Variants in SLC17A9 observed in about 807,000 individuals in gnomAD.
SLC17A9 encodes the protein voltage-gated purine nucleotide uniporter SLC17A9.
A neutral mutation model predicts 55.0 loss-of-function variants in SLC17A9; 49 were observed. The observed-to-expected ratio is 0.89, with a 90% confidence interval of 0.71 to 1.13. SLC17A9 has a LOEUF of 1.13. Among genes scored for constraint, SLC17A9 ranks in the 50% most tolerant of loss-of-function variants. The pLI is 0.00. For synonymous variants in SLC17A9, 256 were observed against 247.4 expected, an observed-to-expected ratio of 1.03 and a Z score of -0.32; for missense variants, 526 against 569.3, an observed-to-expected ratio of 0.92 and a Z score of 0.77.
chr20:62,956,320 C>G (rs897270232), intron 1 of SLC17A9, among the ~76,000 whole-genome samples: 3 of 152,230 alleles, frequency 2.0e-5, no homozygotes, highest in African/African-American at 7.2e-5. Context: ...GGGGCAGGTT[C>G]TTGGGAGCAC....
Position 62,962,844 on chromosome 20 carries a change from GA to G in SLC17A9, c.628+91del. ...GCAGCCGCTGAGCAGCCTGGAGCAG[GA>G]GCCCGGAGACGATGGCTTTGACCTC... On this transcript the variant is annotated intron_variant, in intron 5 of 12. Transcript: ENST00000370351. This position sits in a 1 kb window ranked among gnomAD's most constrained non-coding sequence, Gnocchi z 5.5. 4 of 1,538,924 alleles carry G rather than the reference GA, an allele frequency of 2.6e-6. No individual in the cohort carries two copies. Among genetic ancestry groups the G allele is most frequent in the Non-Finnish European group, 3.5e-6 (4 of 1,139,368 alleles).
Position 62,962,883 on chromosome 20 carries a change from C to A in SLC17A9, c.628+129C>A. ...TGGCTTTGACCTCCCAAAGAATCCG[C>A]CAGTGAGGAAAAGCGCTCGGGTGCT... On this transcript the variant is annotated intron_variant, in intron 5 of 12. Coordinates refer to ENST00000370351, the MANE Select transcript of SLC17A9 (RefSeq NM_022082.4). The surrounding 1 kb of genome is among the most constrained non-coding windows in gnomAD (Gnocchi z 5.5). 7.2e-7 allele frequency: 1 copy of A among 1,382,262 alleles called. No homozygotes were observed. Among genetic ancestry groups the A allele is most frequent in the South Asian group, 1.4e-5 (1 of 73,024 alleles). 85.6% of individuals were successfully genotyped at this position (1,382,262 alleles called of 1,614,324 possible).
rs2065656013 is a variant in SLC17A9, at chr20:62,968,018, A to T, written c.*518A>T. 6.6e-6 allele frequency: 1 copy of T among 152,626 alleles called. No individual in the cohort carries two copies. The highest frequency in any genetic ancestry group is 1.9e-4 in the East Asian group (1 of 5,184). 9.5% of individuals were successfully genotyped at this position (152,626 alleles called of 1,614,324 possible). A position where few individuals can be genotyped will look rare whatever the true frequency, so the allele number is the denominator to read the frequency against. On this transcript the variant is annotated 3_prime_UTR_variant, in exon 13 of 13. Transcript: ENST00000370351. ...TGCACACTGTAGGATGCTTAAAGGT[A>T]TCCCTGGCCTCCACCCACCCCTAGC... is the stretch of plus-strand genomic sequence containing the variant.
At chr20:62,967,141 C>G in intron 12 of SLC17A9, 196 bp from the exon 13 acceptor site, 1 of 644,088 alleles carries the variant, frequency 1.6e-6, no homozygotes, top group Non-Finnish European at 2.7e-6. Flanking sequence ...CCTGTGAGAT[C>G]TCTGCCCCTC....
At chr20:62,957,970 A>G (rs536134211) in intron 3 of SLC17A9, among the ~76,000 whole-genome samples, 1 of 151,840 alleles carries the variant, frequency 6.6e-6, no homozygotes, top group Non-Finnish European at 1.5e-5. Flanking sequence ...ATGTGCATGT[A>G]TGTTTGTGCT....
chr20:62,956,962 G>C lies in SLC17A9; in HGVS notation c.257G>C (p.Arg86Pro). The change falls in exon 2 of 13, where the codon CGG (arginine) becomes CCG (proline). Residue 86 changes from arginine (R) to proline (P), a missense_variant and splice_region_variant. Transcript: ENST00000370351. ...TQVVGGHLGD[R>P]IGGEKVILLS... ...GTTGTGGGCGGCCACCTCGGGGATC[G>C]GTAACTGCCCATCTTCCCCATCTCC... 6.2e-7 allele frequency: 1 copy of C among 1,613,280 alleles called. No homozygotes were observed. The highest frequency in any genetic ancestry group is 1.3e-5 in the African/African-American group (1 of 75,058).
intron 4 of SLC17A9, among the ~76,000 whole-genome samples, chr20:62,961,671 G>C (rs2065590161): frequency 6.6e-6 from 1 of 152,220 alleles, no homozygotes. Flanking sequence ...AGAGTGACCA[G>C]ATTCATCAAG....
At position 62,965,138 on chromosome 20, in the gene SLC17A9, G is replaced by T. The variant is rs201189000; in HGVS notation, c.917G>T (p.Arg306Ile). The change falls in exon 9 of 13, where the codon AGA becomes ATA. Residue 306 changes from arginine to isoleucine, a missense_variant. Transcript: ENST00000370351. The stretch of plus-strand genomic sequence containing the variant: ...CCTTGGCCTCCCCCTGTAGGTTACA[G>T]AGCCATCACGGTGCGGAAGCTCATG... The part of the protein sequence containing the change: ...LSDHLINQGY[R>I]AITVRKLMQG... The T allele has an allele frequency of 1.2e-6, 2 of 1,614,126 alleles. No individual in the cohort carries two copies. The highest frequency in any genetic ancestry group is 1.7e-6 in the Non-Finnish European group (2 of 1,180,030).
chr20:62,963,006 G>A, intron 5 of SLC17A9: 3 of 640,050 alleles, frequency 4.7e-6, no homozygotes, highest in Non-Finnish European at 8.0e-6. Flanking sequence ...GGTCAAGGCA[G>A]GGTGCAGGAG....
chr20:62,963,029 TG>T (rs2065602447), intron 5 of SLC17A9: 1 of 636,038 alleles, frequency 1.6e-6, no homozygotes, highest in Admixed American at 2.9e-5. Flanking sequence ...GCCGAGTCTT[TG>T]GGTGGCCAGG....
rs1207465209 is a variant in SLC17A9, at chr20:62,969,277, T to C, written c.*1777T>C. 1 of 152,226 alleles carries C rather than the reference T, an allele frequency of 6.6e-6. No individual in the cohort carries two copies. The highest frequency in any genetic ancestry group is 2.4e-5 in the African/African-American group (1 of 41,456). The allele number at this position is 152,226 out of a possible 1,614,324, so 9.4% of individuals were successfully genotyped here. On this transcript the variant is annotated 3_prime_UTR_variant, in exon 13 of 13. Coordinates refer to ENST00000370351, the MANE Select transcript of SLC17A9 (RefSeq NM_022082.4). ...TTTTAAGTGCACGGTTCTGTGGCAT[T>C]AGGTACATTCGCATTGTGCAGCCAC...
At position 62,952,907 on chromosome 20, in the gene SLC17A9, GGA is replaced by G; in HGVS notation, c.59+20_59+21del. The stretch of plus-strand genomic sequence containing the variant: ...TGGTCCAGGTGTGGCGGGGGTGAGG[GGA>G]GGGGGGGTGGGAGCGGTGGAGATGG... On this transcript the variant is annotated intron_variant, in intron 1 of 12. Coordinates refer to ENST00000370351, the MANE Select transcript of SLC17A9 (RefSeq NM_022082.4). 6.9e-7 allele frequency: 1 copy of G among 1,447,920 alleles called. No homozygotes were observed. Among genetic ancestry groups the G allele is most frequent in the South Asian group, 1.3e-5 (1 of 75,672 alleles). The allele number at this position is 1,447,920 out of a possible 1,614,324, so 89.7% of individuals were successfully genotyped here.
chr20:62,965,070 C>A, intron 8 of SLC17A9, 62 bp from the exon 9 acceptor site: 1 of 1,596,712 alleles, frequency 6.3e-7, no homozygotes, highest in East Asian at 2.2e-5. Context: ...GGGATGGGAC[C>A]CCCTCTGGGG....
chr20:62,967,624 T>G lies in SLC17A9; in HGVS notation c.*124T>G. On this transcript the variant is annotated 3_prime_UTR_variant, in exon 13 of 13. Transcript: ENST00000370351. ...GAGCAGAGAGGAACACAAACCACTG[T>G]GGAGCCTGAAGCTCCTTAAGAAGAG... 7 of 683,970 alleles carry G rather than the reference T, an allele frequency of 1.0e-5. No individual in the cohort carries two copies. The highest frequency in any genetic ancestry group is 4.6e-5 in the South Asian group (2 of 43,810). 42.4% of individuals were successfully genotyped at this position (683,970 alleles called of 1,614,324 possible). A position where few individuals can be genotyped will look rare whatever the true frequency, so the allele number is the denominator to read the frequency against.
chr20:62,964,190 G>A (rs773345016), intron 7 of SLC17A9, 38 bp from the exon 8 acceptor site: 14 of 1,607,824 alleles, frequency 8.7e-6, no homozygotes, highest in Admixed American at 5.0e-5. Flanking sequence ...GCCAGATGCC[G>A]GCCCTGGCCC....
At chr20:62,961,386 C>T (rs1477725056) in intron 4 of SLC17A9, among the ~76,000 whole-genome samples, 4 of 152,068 alleles carry the variant, frequency 2.6e-5, no homozygotes, top group Admixed American at 1.3e-4. Flanking sequence ...GCGGCTTGTC[C>T]TCATCCACGA....
chr20:62,953,735 T>G (rs1042545889), intron 1 of SLC17A9, among the ~76,000 whole-genome samples: 12 of 152,226 alleles, frequency 7.9e-5, no homozygotes, highest in Non-Finnish European at 4.4e-5. Context: ...CCCAGCTGTA[T>G]GAGGGCTGAG....
At chr20:62,955,676 G>A (rs1374419503) in intron 1 of SLC17A9, among the ~76,000 whole-genome samples, 1 of 152,168 alleles carries the variant, frequency 6.6e-6, no homozygotes, top group Non-Finnish European at 1.5e-5. Context: ...AAGGGTGGGG[G>A]CCCCCATGTC....
At position 62,963,664 on chromosome 20, in the gene SLC17A9, C is replaced by A. The variant is rs577909634; in HGVS notation, c.806C>A (p.Thr269Asn). 7 of 1,598,048 alleles carry A rather than the reference C, an allele frequency of 4.4e-6. No individual in the cohort carries two copies. The highest frequency in any genetic ancestry group is 4.0e-5 in the African/African-American group (3 of 74,770). ...TGGCTGCCCACCTTCTTCGAGGAGACCTTCCCCGACGCCAAGGTGAGTCGG... is the reference window on the plus strand; with the variant it reads ...TGGCTGCCCACCTTCTTCGAGGAGAACTTCCCCGACGCCAAGGTGAGTCGG... ...LSWLPTFFEE[T>N]FPDAKGWIFN... The change falls in exon 7 of 13, where the codon ACC becomes AAC. Residue 269 changes from threonine (T) to asparagine (N), a missense_variant. By Grantham distance (65) the Thr-to-Asn change is moderately conservative. Coordinates refer to ENST00000370351, the MANE Select transcript of SLC17A9 (RefSeq NM_022082.4).
Sources: allele counts gnomAD v4.1 joint callset (sites outside exome capture counted in the v4.1 genomes callset), GRCh38; gene constraint gnomAD v4.1.1; non-coding constraint Gnocchi (gnomAD v3.1); transcripts MANE v1.5; gene names NCBI Gene and HGNC (gene_info 2026-07-23, HGNC 2026-07-21).